Variants in CSMD1 observed in about 807,000 individuals in gnomAD.
CSMD1 encodes CUB and Sushi multiple domains 1.
Under a neutral mutation model 417.5 loss-of-function variants are expected in CSMD1, and 213 were observed. The observed-to-expected ratio is 0.51, with a 90% CI of 0.46 to 0.57. CSMD1 has a LOEUF of 0.57. Among genes scored for constraint, CSMD1 ranks in the 20% least tolerant of loss-of-function variants. The pLI is 0.00. For synonymous variants in CSMD1, 2,862 were observed against 1,736.8 expected (o/e 1.65, Z -16.11); for missense variants, 6,923 against 4,529.7 (o/e 1.53, Z -15.17).
rs766896472 is a variant in CSMD1 at position 2,973,253 on chromosome 8, C to T, written c.8787G>A (p.Gly2929=). 1.6e-5 allele frequency: 26 copies of T among 1,613,842 alleles called. No homozygotes were observed. The highest frequency in any genetic ancestry group is 4.0e-5 in the African/African-American group (3 of 74,908). The part of the protein sequence containing the change: ...FCGDPGTPAH[G]SRLGDDFKTK... ...TCTTAAAGTCATCACCAAGCCGAGA[C>T]CCATGTGCTGGGGTCCCCGGATCAC... The change falls in exon 57 of 70, where the codon GGG becomes GGA. Residue 2929 remains glycine (G), a synonymous_variant. Transcript: ENST00000635120.
chr8:4,905,704 C>T (rs937497274), intron 1 of CSMD1, among the ~76,000 whole-genome samples: 1 of 151,598 alleles, frequency 6.6e-6, no homozygotes, highest in Non-Finnish European at 1.5e-5. Context: ...CCTGTAGTCC[C>T]AGCTCCTCGG....
At chr8:4,438,163 G>A (rs184138915) in intron 2 of CSMD1, among the ~76,000 whole-genome samples, 1 of 152,096 alleles carries the variant, frequency 6.6e-6, no homozygotes, top group African/African-American at 2.4e-5. Context: ...TTTAGATATT[G>A]CTGACTTCTT....
chr8:3,076,645 C>T (rs569909482), intron 49 of CSMD1, among the ~76,000 whole-genome samples: 4 of 152,272 alleles, frequency 2.6e-5, no homozygotes, highest in Admixed American at 6.5e-5. Flanking sequence ...CACCGCTGGC[C>T]TAATTTCAAG....
chr8:3,794,446 A>G (rs563094433), intron 5 of CSMD1, among the ~76,000 whole-genome samples: 158 of 152,272 alleles, frequency 1.0e-3, no homozygotes, highest in South Asian at 9.9e-3. Context: ...TCATAGAATC[A>G]GTACTTATAA....
intron 51 of CSMD1, among the ~76,000 whole-genome samples, chr8:3,020,863 G>A (rs1207840765): frequency 6.6e-6 from 1 of 152,202 alleles, no homozygotes; most frequent in Non-Finnish European, 1.5e-5. Flanking sequence ...CTATTACAGT[G>A]TCATATCGTT....
chr8:3,346,164 A>G (rs1227403337), intron 22 of CSMD1, among the ~76,000 whole-genome samples: 1 of 152,226 alleles, frequency 6.6e-6, no homozygotes, highest in Non-Finnish European at 1.5e-5. Context: ...GGTATTTTAT[A>G]TGACTGACAG....
intron 7 of CSMD1, among the ~76,000 whole-genome samples, chr8:3,699,241 C>A (rs1197170279): frequency 6.6e-6 from 1 of 152,208 alleles, no homozygotes; most frequent in Non-Finnish European, 1.5e-5. Context: ...GTTTTTATTA[C>A]CAGCTGCTAT....
At chr8:3,641,289 G>A (rs1437510915) in intron 7 of CSMD1, among the ~76,000 whole-genome samples, 4 of 152,192 alleles carry the variant, frequency 2.6e-5, no homozygotes, top group South Asian at 2.1e-4. Flanking sequence ...GTGATTCCCA[G>A]CCTCCTGTGC....
Position 3,998,066 on chromosome 8 carries a change from T to C in CSMD1, c.655A>G (p.Ile219Val). 1.9e-6 allele frequency: 3 copies of C among 1,592,112 alleles called. No homozygotes were observed. The highest frequency in any genetic ancestry group is 2.6e-6 in the Non-Finnish European group (3 of 1,168,596). Reference protein sequence around the residue: ...GGTLRGTSSSISSPHFPSEYE... With the variant: ...GGTLRGTSSSVSSPHFPSEYE... ...TCTGAAGGGAAGTGCGGGCTGGAGA[T>C]GGAGCTGCTGGTCCCGCGTAAGGTT... The change falls in exon 5 of 70, where the codon ATC (isoleucine) becomes GTC (valine). Residue 219 changes from isoleucine to valine, a missense_variant. Transcript: ENST00000635120.
intron 7 of CSMD1, among the ~76,000 whole-genome samples, chr8:3,687,453 C>A (rs930174811): frequency 6.6e-6 from 1 of 152,198 alleles, no homozygotes. Context: ...GAAGCAGAGC[C>A]TTTATTGAGA....
chr8:3,834,771 G>A lies in CSMD1; in HGVS notation c.819-80729C>T, dbSNP rs568050464. On this transcript the variant is annotated intron_variant, in intron 5 of 69. Transcript: ENST00000635120. The stretch of plus-strand genomic sequence containing the variant: ...GAGCCAAGATGGCGGAATAGGAAGA[G>A]CTCAAGGCAACCTACAAAATGGGAG... Among the ~76,000 whole-genome samples the A allele has an allele frequency of 2.9e-4, 44 of 152,032 alleles. 2 individuals carry two copies. Among genetic ancestry groups the A allele is most frequent in the Admixed American group, 9.2e-4 (14 of 15,238 alleles).
At chr8:4,595,672 C>A (rs967764246) in intron 2 of CSMD1, among the ~76,000 whole-genome samples, 23 of 152,134 alleles carry the variant, frequency 1.5e-4, no homozygotes, top group African/African-American at 5.3e-4. Context: ...GAGGCTGAGG[C>A]TGGAGGATCC....
intron 1 of CSMD1, among the ~76,000 whole-genome samples, chr8:4,718,024 C>T (rs1808798126): frequency 6.6e-6 from 1 of 152,126 alleles, no homozygotes; most frequent in Non-Finnish European, 1.5e-5. Flanking sequence ...GTACCCCAGG[C>T]TGGAGGGCAG....
intron 1 of CSMD1, among the ~76,000 whole-genome samples, chr8:4,981,188 A>T (rs999752091): frequency 2.0e-5 from 3 of 152,148 alleles, no homozygotes. Context: ...ACGCTTTACC[A>T]TGGAAACACA....
intron 1 of CSMD1, among the ~76,000 whole-genome samples, chr8:4,839,908 C>G (rs1179611345): frequency 6.6e-6 from 1 of 152,170 alleles, no homozygotes; most frequent in African/African-American, 2.4e-5. Context: ...TAACCTCCTG[C>G]GCGTCTCCTC....
intron 3 of CSMD1, among the ~76,000 whole-genome samples, chr8:4,212,484 A>G (rs1445346708): frequency 6.6e-6 from 1 of 152,060 alleles, no homozygotes; most frequent in Non-Finnish European, 1.5e-5. Context: ...AGACTGGCAG[A>G]TGGAAGCGAT....
chr8:3,479,515 G>A (rs1412213961), intron 11 of CSMD1, among the ~76,000 whole-genome samples: 1 of 152,110 alleles, frequency 6.6e-6, no homozygotes, highest in Non-Finnish European at 1.5e-5. Flanking sequence ...CCCGACCTTA[G>A]GTGATCTGCC....
intron 33 of CSMD1, among the ~76,000 whole-genome samples, chr8:3,195,118 A>G (rs1796631725): frequency 6.6e-6 from 1 of 152,206 alleles, no homozygotes; most frequent in Non-Finnish European, 1.5e-5. Context: ...GAAACAAATT[A>G]CAGAAATAGG....
chr8:3,458,610 T>A lies in CSMD1; in HGVS notation c.1561+10102A>T, dbSNP rs565180652. ...CTATGTTCATCTTATTCGTCTTGCG[T>A]TAAGACAACGGAACGCTAGTTGGCC... is the stretch of plus-strand genomic sequence containing the variant. On this transcript the variant is annotated intron_variant, in intron 12 of 69. Coordinates refer to ENST00000635120, the MANE Select transcript of CSMD1 (RefSeq NM_033225.6). Among the ~76,000 whole-genome samples the A allele has an allele frequency of 3.9e-5, 6 of 152,344 alleles. No individual in the cohort carries two copies. The East Asian group carries it at 1.2e-3, about 29-fold the overall frequency.
Sources: gnomAD v4.1 joint callset for allele counts (sites outside exome capture counted in the v4.1 genomes callset) on GRCh38, gnomAD v4.1.1 for gene constraint, MANE v1.5 for transcripts, NCBI Gene and HGNC (gene_info 2026-07-23, HGNC 2026-07-21) for gene names.